ZNF385D: variants seen among roughly 807,000 people sequenced by gnomAD.
ZNF385D encodes the protein zinc finger protein 659.
In ZNF385D, 15 loss-of-function variants were observed where a neutral mutation model predicts 35.8. The observed-to-expected ratio is 0.42, with a 90% CI of 0.28 to 0.64. The LOEUF (loss-of-function observed/expected upper bound fraction) is 0.64. Among genes scored for constraint, ZNF385D ranks in the 30% least tolerant of loss-of-function variants. The pLI, the probability that ZNF385D is intolerant of heterozygous loss-of-function variation, is 0.23. For synonymous variants in ZNF385D, 212 were observed against 186.8 expected (o/e 1.13, Z -1.10); for missense variants, 474 against 494.6 (o/e 0.96, Z 0.39).
intron 3 of ZNF385D, among the ~76,000 whole-genome samples, chr3:22,020,719 A>G (rs1470822140): frequency 6.6e-6 from 1 of 152,008 alleles, no homozygotes; most frequent in Admixed American, 6.6e-5. Context: ...CAGTATGGAG[A>G]TTTCTCCAAG....
rs79016116 is a variant in ZNF385D at position 21,828,019 on chromosome 3, C to T, written c.326-162991G>A. Among the ~76,000 whole-genome samples the T allele has an allele frequency of 2.7e-3, 408 of 152,280 alleles. 1 individual carries two copies. The highest frequency in any genetic ancestry group is 9.3e-3 in the African/African-American group (387 of 41,550). On this transcript the variant is annotated intron_variant, in intron 3 of 5. Transcript: ENST00000494108. ...AGGAAAACTTGACTCAGAGTTTATG[C>T]ATTTTCTTCTGATTATGGTTTTCCT...
intron 2 of ZNF385D, among the ~76,000 whole-genome samples, chr3:22,360,324 C>T (rs1696355831): frequency 6.6e-6 from 1 of 151,890 alleles, no homozygotes; most frequent in Non-Finnish European, 1.5e-5. Flanking sequence ...CTCAAACTAG[C>T]CTCTCAATGA....
chr3:21,477,655 C>G (rs563699980), intron 4 of ZNF385D, among the ~76,000 whole-genome samples: 1 of 152,146 alleles, frequency 6.6e-6, no homozygotes, highest in African/African-American at 2.4e-5. Context: ...TCCTCCCTAT[C>G]TAACCCTGAC....
chr3:21,432,935 C>T (rs754886841), intron 5 of ZNF385D, among the ~76,000 whole-genome samples: 7 of 152,000 alleles, frequency 4.6e-5, no homozygotes, highest in Non-Finnish European at 8.8e-5. Context: ...CACAATTGAT[C>T]CCCAAATAAT....
chr3:21,436,817 C>T, intron 5 of ZNF385D, 153 bp downstream of exon 5: 1 of 768,580 alleles, frequency 1.3e-6, no homozygotes, highest in African/African-American at 1.8e-5. Context: ...TGACACTTTG[C>T]TCGTCATTTT....
At chr3:22,356,483 C>A (rs992960013) in intron 2 of ZNF385D, among the ~76,000 whole-genome samples, 4 of 151,876 alleles carry the variant, frequency 2.6e-5, no homozygotes, top group African/African-American at 4.8e-5. Flanking sequence ...AGGCCAGACA[C>A]AATGTTGTCC....
At chr3:22,117,337 G>T (rs1022291775) in intron 3 of ZNF385D, among the ~76,000 whole-genome samples, 1 of 152,002 alleles carries the variant, frequency 6.6e-6, no homozygotes, top group Non-Finnish European at 1.5e-5. Flanking sequence ...GTTGCAAAAT[G>T]GGTTCTCTGA....
intron 3 of ZNF385D, among the ~76,000 whole-genome samples, chr3:21,906,061 G>T (rs1311663119): frequency 6.6e-6 from 1 of 152,080 alleles, no homozygotes; most frequent in Non-Finnish European, 1.5e-5. Context: ...TGCTTAGAAA[G>T]AATTAAACTT....
chr3:22,056,595 A>T (rs185344865), intron 3 of ZNF385D, among the ~76,000 whole-genome samples: 3 of 152,332 alleles, frequency 2.0e-5, no homozygotes, highest in Admixed American at 2.0e-4. Flanking sequence ...AAAACAATAA[A>T]ACAAAAAGAA....
intron 3 of ZNF385D, among the ~76,000 whole-genome samples, chr3:22,016,212 G>GT (rs111379380): frequency 0.037 from 5,577 of 152,156 alleles, 345 homozygotes; most frequent in African/African-American, 0.13. Flanking sequence ...GTCTGGAGAT[G>GT]TTTTTGCTGT....
intron 3 of ZNF385D, among the ~76,000 whole-genome samples, chr3:21,880,581 CCT>C (rs1297098568): frequency 3.9e-5 from 6 of 151,928 alleles, no homozygotes; most frequent in South Asian, 2.1e-4. Context: ...CTCCCTATCC[CCT>C]GAGACAAAAT....
At chr3:21,818,087 G>A (rs890212662) in intron 3 of ZNF385D, among the ~76,000 whole-genome samples, 4 of 151,028 alleles carry the variant, frequency 2.6e-5, no homozygotes, top group Admixed American at 2.0e-4. Flanking sequence ...GACAGAAAAC[G>A]AAACACCGCA....
intron 3 of ZNF385D, among the ~76,000 whole-genome samples, chr3:22,100,845 A>T (rs1318577557): frequency 2.6e-5 from 4 of 150,990 alleles, no homozygotes; most frequent in African/African-American, 2.5e-5. Flanking sequence ...ATATTAAAAT[A>T]AAAAAAAGAA....
intron 2 of ZNF385D, among the ~76,000 whole-genome samples, chr3:21,573,479 C>T (rs1415552308): frequency 6.6e-6 from 1 of 152,142 alleles, no homozygotes; most frequent in Non-Finnish European, 1.5e-5. Context: ...GTAAACCTAA[C>T]GTATGACTTA....
chr3:21,802,330 A>G (rs1015203317), intron 3 of ZNF385D, among the ~76,000 whole-genome samples: 5 of 152,184 alleles, frequency 3.3e-5, no homozygotes, highest in Non-Finnish European at 7.3e-5. Context: ...AAATCCAAAT[A>G]TCAAATGGAT....
chr3:21,945,771 A>C (rs1701751972), intron 3 of ZNF385D, among the ~76,000 whole-genome samples: 1 of 152,192 alleles, frequency 6.6e-6, no homozygotes, highest in African/African-American at 2.4e-5. Context: ...ACTTTGTGAA[A>C]TGTCTTAAAG....
chr3:21,556,478 G>A (rs2062746763), intron 3 of ZNF385D, among the ~76,000 whole-genome samples: 1 of 152,120 alleles, frequency 6.6e-6, no homozygotes, highest in South Asian at 2.1e-4. Flanking sequence ...ATTAAATAGG[G>A]AAGCCTTTCC....
chr3:21,489,622 T>C (rs1705271394), intron 4 of ZNF385D, among the ~76,000 whole-genome samples: 1 of 152,124 alleles, frequency 6.6e-6, no homozygotes, highest in Non-Finnish European at 1.5e-5. Context: ...GTCATTTCAG[T>C]GAGATTTTGG....
At chr3:21,589,555 T>G (rs2063909563) in intron 2 of ZNF385D, among the ~76,000 whole-genome samples, 1 of 152,140 alleles carries the variant, frequency 6.6e-6, no homozygotes, top group Non-Finnish European at 1.5e-5. Context: ...TTGCAACAGC[T>G]TTGAAACTAA....
Sources: gnomAD v4.1 joint callset for allele counts (sites outside exome capture counted in the v4.1 genomes callset) on GRCh38, gnomAD v4.1.1 for gene constraint, MANE v1.5 for transcripts, NCBI Gene and HGNC (gene_info 2026-07-23, HGNC 2026-07-21) for gene names.